The following TPH2 variants were observed in gnomAD, a reference collection of about 807,000 sequenced individuals.
TPH2 encodes the protein tryptophan 5-hydroxylase 2.
TPH2 carries 27 observed loss-of-function variants against 59.1 expected under a neutral mutation model. That is an observed-to-expected ratio of 0.46 (90% confidence interval 0.34 to 0.63). TPH2 has a LOEUF of 0.63. Ranked by LOEUF, TPH2 falls within the 30% of genes least tolerant of loss-of-function variation. The pLI, the probability that TPH2 is intolerant of heterozygous loss-of-function variation, is 0.01. For synonymous variants in TPH2, 220 were observed against 210.5 expected, an observed-to-expected ratio of 1.05 and a Z score of -0.39; for missense variants, 523 against 588.3, an observed-to-expected ratio of 0.89 and a Z score of 1.15.
intron 8 of TPH2, among the ~76,000 whole-genome samples, chr12:72,016,190 C>T (rs893789115): frequency 1.3e-5 from 2 of 152,154 alleles, no homozygotes; most frequent in African/African-American, 4.8e-5. Context: ...AGTAAGATAA[C>T]ATATGTGAGA....
chr12:72,023,148 T>A (rs1249036492), intron 9 of TPH2, among the ~76,000 whole-genome samples: 1 of 152,194 alleles, frequency 6.6e-6, no homozygotes, highest in African/African-American at 2.4e-5. Flanking sequence ...ATTCTGGTCT[T>A]TTAAGAATTG....
chr12:71,943,394 T>G (rs1871124223), intron 2 of TPH2, among the ~76,000 whole-genome samples: 1 of 152,096 alleles, frequency 6.6e-6, no homozygotes, highest in Non-Finnish European at 1.5e-5. Context: ...GTAGGTGGGT[T>G]GGGATGGAGA....
chr12:71,974,527 T>A (rs1329296759), intron 6 of TPH2, among the ~76,000 whole-genome samples: 1 of 108,938 alleles, frequency 9.2e-6, no homozygotes, highest in Non-Finnish European at 2.2e-5. Flanking sequence ...CTCCCTCTGA[T>A]AAGGACTCTT....
chr12:71,985,964 T>C (rs1340834328), intron 7 of TPH2, among the ~76,000 whole-genome samples: 1 of 152,212 alleles, frequency 6.6e-6, no homozygotes, highest in African/African-American at 2.4e-5. Context: ...ATAGCTTATA[T>C]GCTAGGCTTT....
At chr12:71,965,135 A>T (rs936487589) in intron 5 of TPH2, 5 of 152,220 alleles carry the variant, frequency 3.3e-5, no homozygotes, top group Admixed American at 6.5e-5. Context: ...TTATGGCTGC[A>T]TAGTATTCCA....
intron 1 of TPH2, among the ~76,000 whole-genome samples, chr12:71,941,027 G>A (rs866285674): frequency 1.7e-4 from 26 of 152,264 alleles, no homozygotes; most frequent in African/African-American, 6.0e-4. Context: ...TTTGCAGGCA[G>A]ATTCACATTG....
intron 2 of TPH2, among the ~76,000 whole-genome samples, chr12:71,943,744 C>T (rs991365566): frequency 6.6e-6 from 1 of 151,888 alleles, no homozygotes; most frequent in African/African-American, 2.4e-5. Context: ...TACAGTTTGG[C>T]TAGTGTTTCC....
At chr12:72,001,147 T>G (rs367989591) in intron 8 of TPH2, among the ~76,000 whole-genome samples, 2 of 152,292 alleles carry the variant, frequency 1.3e-5, no homozygotes, top group Non-Finnish European at 2.9e-5. Context: ...TCTGGCCCAG[T>G]TGGAATTTTT....
At chr12:72,025,661 G>A (rs1052127499) in intron 9 of TPH2, among the ~76,000 whole-genome samples, 1 of 152,136 alleles carries the variant, frequency 6.6e-6, no homozygotes, top group Non-Finnish European at 1.5e-5. Flanking sequence ...CTGTTCTGTG[G>A]TGTACTTACA....
Position 72,022,448 on chromosome 12 carries a change from T to C in TPH2, c.1118T>C (p.Leu373Pro). The change falls in exon 9 of 11, where the codon CTG becomes CCG. Residue 373 changes from leucine (L) to proline (P), a missense_variant. Leu to Pro is a moderately conservative substitution (Grantham distance 98). Transcript: ENST00000333850. Reference sequence around the variant, plus strand: ...GGCCTTTGCAAGCAAGAAGGGCAACTGCGGGCATATGGAGCAGGACTCCTT... The same window carrying C: ...GGCCTTTGCAAGCAAGAAGGGCAACCGCGGGCATATGGAGCAGGACTCCTT... ...EFGLCKQEGQ[L>P]RAYGAGLLSS... 1 of 1,614,088 alleles carries C rather than the reference T, an allele frequency of 6.2e-7. No individual in the cohort carries two copies. Among genetic ancestry groups the C allele is most frequent in the Non-Finnish European group, 8.5e-7 (1 of 1,179,940 alleles).
At chr12:71,982,170 A>T (rs1872303085) in intron 7 of TPH2, among the ~76,000 whole-genome samples, 1 of 151,364 alleles carries the variant, frequency 6.6e-6, no homozygotes, top group African/African-American at 2.4e-5. Flanking sequence ...TACCCAGCTA[A>T]TTTTTTGTGT....
At chr12:71,994,781 CTAGAGA>C (rs1872655625) in intron 8 of TPH2, among the ~76,000 whole-genome samples, 2 of 152,236 alleles carry the variant, frequency 1.3e-5, no homozygotes, top group African/African-American at 4.8e-5. Flanking sequence ...CGGGGGTCAG[CTAGAGA>C]TAAAGGGCTA....
chr12:71,940,730 T>C (rs551259521), intron 1 of TPH2, among the ~76,000 whole-genome samples: 1 of 152,202 alleles, frequency 6.6e-6, no homozygotes, highest in Non-Finnish European at 1.5e-5. Context: ...TCTGGCAATG[T>C]GACCTGAGTT....
chr12:71,942,802 A>G (rs1871108769), intron 2 of TPH2, among the ~76,000 whole-genome samples: 1 of 152,236 alleles, frequency 6.6e-6, no homozygotes, highest in Admixed American at 6.5e-5. Flanking sequence ...AGAAAGGATC[A>G]GGCACCATAA....
At chr12:71,949,298 C>T (rs1871281315) in intron 4 of TPH2, among the ~76,000 whole-genome samples, 3 of 152,006 alleles carry the variant, frequency 2.0e-5, no homozygotes, top group South Asian at 4.2e-4. Context: ...TATTTGAAAA[C>T]CTAAAGGTAT....
At chr12:72,028,936 G>A (rs1299206990) in intron 9 of TPH2, among the ~76,000 whole-genome samples, 2 of 152,202 alleles carry the variant, frequency 1.3e-5, no homozygotes, top group African/African-American at 4.8e-5. Flanking sequence ...CTGGGGCAGA[G>A]TGCCGTATGC....
intron 7 of TPH2, among the ~76,000 whole-genome samples, chr12:71,984,161 A>G (rs4760752): frequency 0.85 from 128,854 of 152,194 alleles, 54,654 homozygotes; most frequent in East Asian, 0.96. Flanking sequence ...ATACATTTGT[A>G]TTAAGGAACA....
chr12:71,947,259 T>C lies in TPH2; in HGVS notation c.541-2329T>C, dbSNP rs532057110. Among the ~76,000 whole-genome samples, 184 of 152,248 alleles carry C rather than the reference T, an allele frequency of 1.2e-3. 1 individual carries two copies. The highest frequency in any genetic ancestry group is 4.2e-3 in the African/African-American group (176 of 41,544). ...ACTGATGCCAGGGCCTCTGGGAATGTGGCCAGGTTTGATGTATTATTTAAA... is the reference window on the plus strand; with the variant it reads ...ACTGATGCCAGGGCCTCTGGGAATGCGGCCAGGTTTGATGTATTATTTAAA... On this transcript the variant is annotated intron_variant, in intron 4 of 10. Coordinates refer to ENST00000333850, the MANE Select transcript of TPH2 (RefSeq NM_173353.4).
chr12:71,997,341 A>C lies in TPH2; in HGVS notation c.1068+2776A>C, dbSNP rs573673532. Among the ~76,000 whole-genome samples the C allele has an allele frequency of 1.2e-4, 18 of 152,306 alleles. No individual in the cohort carries two copies. In the East Asian group the frequency reaches 1.9e-3, roughly 16 times the overall value. ...CGTCTCACTATGTATGGCCATCATCAACATCTGCAAAGGTAACATATTCAC... is the reference window on the plus strand; with the variant it reads ...CGTCTCACTATGTATGGCCATCATCCACATCTGCAAAGGTAACATATTCAC... On this transcript the variant is annotated intron_variant, in intron 8 of 10. Coordinates refer to ENST00000333850, the MANE Select transcript of TPH2 (RefSeq NM_173353.4).
Sources: allele counts gnomAD v4.1 joint callset (sites outside exome capture counted in the v4.1 genomes callset), GRCh38; gene constraint gnomAD v4.1.1; transcripts MANE v1.5; gene names NCBI Gene and HGNC (gene_info 2026-07-23, HGNC 2026-07-21).